DZIP1: variants seen among roughly 807,000 people sequenced by gnomAD.
DZIP1 encodes the protein DAZ interacting zinc finger protein 1, also known as cilium assembly protein DZIP1.
DZIP1 carries 97 observed loss-of-function variants against 107.6 expected under a neutral mutation model. The observed-to-expected ratio is 0.90, with a 90% CI of 0.77 to 1.07. DZIP1 has a LOEUF of 1.07. Ranked by LOEUF, DZIP1 falls within the 50% of genes least tolerant of loss-of-function variation. The pLI is 0.00. For missense variants in DZIP1, 1,035 were observed against 1,063.6 expected, an observed-to-expected ratio of 0.97 and a Z score of 0.37; for synonymous variants, 390 against 386.4, an observed-to-expected ratio of 1.01 and a Z score of -0.11.
rs761084915 is a variant in DZIP1 at position 95,641,982 on chromosome 13, C to T, written c.36+12G>A. The stretch of plus-strand genomic sequence containing the variant: ...ATCCCCGTCGGGGGCGCCCCGGCCT[C>T]CCGCCTCTTACCATGCTTGAAAACC... On this transcript the variant is annotated intron_variant, in intron 4 of 22. Coordinates refer to ENST00000376829, the MANE Select transcript of DZIP1 (RefSeq NM_198968.4). This position sits in a 1 kb window ranked among gnomAD's most constrained non-coding sequence, Gnocchi z 4.3. The T allele has an allele frequency of 6.3e-7, 1 of 1,578,112 alleles. No homozygotes were observed. Among genetic ancestry groups the T allele is most frequent in the Non-Finnish European group, 8.6e-7 (1 of 1,167,382 alleles).
intron 12 of DZIP1, among the ~76,000 whole-genome samples, chr13:95,610,099 T>TGA (rs1566390012): frequency 1.1e-4 from 9 of 84,670 alleles, no homozygotes; most frequent in African/African-American, 3.3e-4. Flanking sequence ...TGTGTGTGTG[T>TGA]GTGTGTGTGT....
intron 15 of DZIP1, among the ~76,000 whole-genome samples, chr13:95,594,712 T>A (rs1428165294): frequency 6.6e-6 from 1 of 152,026 alleles, no homozygotes. Flanking sequence ...TTTCAAGATG[T>A]GAAAATCATT....
chr13:95,601,231 A>G (rs2138977206), intron 14 of DZIP1, among the ~76,000 whole-genome samples: 1 of 152,244 alleles, frequency 6.6e-6, no homozygotes, highest in Middle Eastern at 3.4e-3. Context: ...GGGCTGGGGA[A>G]GTGAGGCTGG....
chr13:95,618,799 G>A (rs1213262592), intron 10 of DZIP1, among the ~76,000 whole-genome samples: 1 of 152,154 alleles, frequency 6.6e-6, no homozygotes, highest in Admixed American at 6.5e-5. Flanking sequence ...GTGCAAAAGA[G>A]GAAACATTTT....
chr13:95,608,565 G>A (rs540706897), intron 13 of DZIP1, among the ~76,000 whole-genome samples: 1 of 151,376 alleles, frequency 6.6e-6, no homozygotes, highest in African/African-American at 2.4e-5. Context: ...TCTGAAATGT[G>A]TTTTTTTCCT....
At chr13:95,633,891 C>T (rs1411583603) in intron 5 of DZIP1, among the ~76,000 whole-genome samples, 2 of 152,106 alleles carry the variant, frequency 1.3e-5, no homozygotes, top group Non-Finnish European at 2.9e-5. Context: ...TCGAGACCAG[C>T]CTGGGCAACA....
At chr13:95,632,670 C>T (rs1345512977) in intron 6 of DZIP1, among the ~76,000 whole-genome samples, 1 of 152,188 alleles carries the variant, frequency 6.6e-6, no homozygotes, top group Non-Finnish European at 1.5e-5. Flanking sequence ...CATATAAAAA[C>T]TCCACATTCC....
chr13:95,596,789 C>T (rs2044468706), intron 15 of DZIP1, among the ~76,000 whole-genome samples: 1 of 152,220 alleles, frequency 6.6e-6, no homozygotes, highest in South Asian at 2.1e-4. Flanking sequence ...TGAATTACTT[C>T]TTAGTAAAAG....
At chr13:95,617,768 G>C (rs1038860855) in intron 10 of DZIP1, among the ~76,000 whole-genome samples, 5 of 152,140 alleles carry the variant, frequency 3.3e-5, no homozygotes, top group African/African-American at 7.2e-5. Flanking sequence ...GTGGAGAGCA[G>C]ACTAAGGAAG....
intron 10 of DZIP1, among the ~76,000 whole-genome samples, chr13:95,618,686 T>G (rs1262083063): frequency 6.6e-6 from 1 of 152,244 alleles, no homozygotes; most frequent in Admixed American, 6.5e-5. Flanking sequence ...GCTGATAAAT[T>G]TTTTGATCAT....
At chr13:95,627,698 G>A (rs1292219819) in intron 7 of DZIP1, among the ~76,000 whole-genome samples, 1 of 152,172 alleles carries the variant, frequency 6.6e-6, no homozygotes, top group African/African-American at 2.4e-5. Context: ...ATGTAAAATG[G>A]TACAGCTACT....
At chr13:95,608,447 GTTTT>G in intron 13 of DZIP1, among the ~76,000 whole-genome samples, 1 of 138,296 alleles carries the variant, frequency 7.2e-6, no homozygotes, top group East Asian at 2.1e-4. Context: ...ATAGACTTGG[GTTTT>G]TTTTTTTTTT....
intron 14 of DZIP1, among the ~76,000 whole-genome samples, chr13:95,602,697 A>T (rs556025627): frequency 6.6e-6 from 1 of 152,364 alleles, no homozygotes; most frequent in East Asian, 1.9e-4. Flanking sequence ...TCCTGTTGGC[A>T]CATCCAAACA....
At chr13:95,617,662 G>A (rs1439779561) in intron 10 of DZIP1, among the ~76,000 whole-genome samples, 3 of 150,530 alleles carry the variant, frequency 2.0e-5, no homozygotes, top group African/African-American at 7.3e-5. Context: ...AGTCATCATA[G>A]CTGGAAAGAG....
At position 95,594,059 on chromosome 13, in the gene DZIP1, T is replaced by C. The variant is rs1367300312; in HGVS notation, c.1565A>G (p.Asn522Ser). ...KGRENEQKLN[N>S]NKMHLRKALK... Reference sequence around the variant, plus strand: ...AGCTTTCCTTAAATGCATTTTGTTGTTATTTAATTTCTGTTCATTTTCCCT... The same window carrying C: ...AGCTTTCCTTAAATGCATTTTGTTGCTATTTAATTTCTGTTCATTTTCCCT... Residue 522 changes from asparagine to serine, a missense_variant, in exon 16 of 23, where the codon AAC (asparagine) becomes AGC (serine). Physicochemically the swap from Asn to Ser is conservative, Grantham distance 46 (BLOSUM62 1). Transcript: ENST00000376829. 1 of 1,606,746 alleles carries C rather than the reference T, an allele frequency of 6.2e-7. No individual in the cohort carries two copies. The highest frequency in any genetic ancestry group is 8.5e-7 in the Non-Finnish European group (1 of 1,176,818).
chr13:95,582,437 A>G, intron 22 of DZIP1, 124 bp from the exon 23 acceptor site: 2 of 807,176 alleles, frequency 2.5e-6, no homozygotes, highest in Non-Finnish European at 4.1e-6. Context: ...CTGTTCATGA[A>G]TCCTCATCTC....
intron 7 of DZIP1, 36 bp from the exon 8 acceptor site, chr13:95,624,965 G>T: frequency 1.3e-6 from 2 of 1,530,002 alleles, no homozygotes; most frequent in Non-Finnish European, 8.8e-7. Flanking sequence ...TAAAAGTTCT[G>T]GTCTGAAGAA....
chr13:95,635,057 C>T, intron 5 of DZIP1, among the ~76,000 whole-genome samples: 1 of 152,068 alleles, frequency 6.6e-6, no homozygotes, highest in Admixed American at 6.6e-5. Context: ...CAGAGTTTCC[C>T]TCCATTTGGA....
Position 95,589,917 on chromosome 13 carries a change from G to A in DZIP1, c.1859C>T (p.Ser620Phe). The change falls in exon 18 of 23, where the codon TCT becomes TTT. Residue 620 changes from serine to phenylalanine, a missense_variant. Ser to Phe is a radical substitution (Grantham distance 155, BLOSUM62 -2). Coordinates refer to ENST00000376829, the MANE Select transcript of DZIP1 (RefSeq NM_198968.4). ...ALLSSDQCSV[S>F]QMDTLSTGEV... is the part of the protein sequence containing the mutation. ...TCCAGTTGAAAGGGTATCCATTTGAGAAACACTGCACTGATCTGGAATATA... is the reference window on the plus strand; with the variant it reads ...TCCAGTTGAAAGGGTATCCATTTGAAAAACACTGCACTGATCTGGAATATA... The A allele has an allele frequency of 6.2e-7, 1 of 1,614,080 alleles. No homozygotes were observed. The highest frequency in any genetic ancestry group is 8.5e-7 in the Non-Finnish European group (1 of 1,179,992).
Sources: allele counts gnomAD v4.1 joint callset (sites outside exome capture counted in the v4.1 genomes callset), GRCh38; gene constraint gnomAD v4.1.1; non-coding constraint Gnocchi (gnomAD v3.1); transcripts MANE v1.5; gene names NCBI Gene and HGNC (gene_info 2026-07-23, HGNC 2026-07-21).